DUSP22: variants seen among roughly 807,000 people sequenced by gnomAD.
The protein encoded by DUSP22 is dual specificity protein phosphatase 22.
A neutral mutation model predicts 24.5 loss-of-function variants in DUSP22; 24 were observed. The observed-to-expected ratio is 0.98, with a 90% CI of 0.71 to 1.38. The LOEUF (loss-of-function observed/expected upper bound fraction) is 1.38, where lower values mean the gene tolerates loss of function less well. DUSP22 is among the 40% of genes most tolerant of loss of function. DUSP22 has a pLI of 0.00. For synonymous variants in DUSP22, 160 were observed against 106.4 expected (o/e 1.50, Z -3.10); for missense variants, 330 against 269.2 (o/e 1.23, Z -1.58).
At chr6:345,040 G>T (rs943618494) in intron 4 of DUSP22, among the ~76,000 whole-genome samples, 3 of 152,302 alleles carry the variant, frequency 2.0e-5, no homozygotes, top group Non-Finnish European at 4.4e-5. Flanking sequence ...GTGTTTCAGG[G>T]ATTTCTTACA....
intron 3 of DUSP22, chr6:326,211 TC>T (rs1244916197): frequency 4.3e-6 from 1 of 230,088 alleles, no homozygotes; most frequent in Non-Finnish European, 8.3e-6. Context: ...GCCCTGGGCT[TC>T]TGCGTCCTGG....
intron 3 of DUSP22, among the ~76,000 whole-genome samples, chr6:328,544 C>G (rs1758992867): frequency 1.3e-5 from 2 of 152,298 alleles, no homozygotes; most frequent in Non-Finnish European, 2.9e-5. Context: ...AGTATCAAAC[C>G]AGAGGCTAAA....
In DUSP22 at chr6:350,938, C is replaced by CA; in HGVS notation, c.*1988dup. ...CTGGTGCTGCCAAAAAGAAAAGCAA[C>CA]ATAGAGTTTAAGTATCCAGTAGTGA... On this transcript the variant is annotated 3_prime_UTR_variant, in exon 7 of 7. Coordinates refer to ENST00000419235, the MANE Select transcript of DUSP22 (RefSeq NM_001286555.3). 2.5e-6 allele frequency: 4 copies of CA among 1,594,686 alleles called. No individual in the cohort carries two copies. Among genetic ancestry groups the CA allele is most frequent in the Non-Finnish European group, 3.4e-6 (4 of 1,164,040 alleles).
chr6:341,325 T>C (rs1759597670), intron 4 of DUSP22, among the ~76,000 whole-genome samples: 1 of 152,310 alleles, frequency 6.6e-6, no homozygotes, highest in Admixed American at 6.5e-5. Flanking sequence ...CGAAACAGCT[T>C]GCGGTAGGAT....
intron 1 of DUSP22, among the ~76,000 whole-genome samples, chr6:293,926 A>G (rs1204775136): frequency 6.8e-6 from 1 of 147,074 alleles, no homozygotes; most frequent in African/African-American, 2.5e-5. Flanking sequence ...TCTGCTTTTT[A>G]AATTAAAACA....
intron 4 of DUSP22, among the ~76,000 whole-genome samples, chr6:335,810 T>A (rs1435822813): frequency 2.6e-5 from 4 of 152,302 alleles, no homozygotes; most frequent in Non-Finnish European, 5.9e-5. Context: ...GCGGCTGCCT[T>A]ATGGGGCAGC....
chr6:331,426 A>G (rs1581177933), intron 3 of DUSP22, among the ~76,000 whole-genome samples: 1 of 152,408 alleles, frequency 6.6e-6, no homozygotes, highest in Middle Eastern at 3.4e-3. Flanking sequence ...TAGAATTTTT[A>G]TTGCTTTTTT....
rs1353414320 is a variant in DUSP22, at chr6:296,186, C to CT, written c.21+3635dup. ...GGTAATTACAGGCAAGAAACTAAAA[C>CT]TTTTTTTTTATTGTTTTTGTTTGTG... On this transcript the variant is annotated intron_variant, in intron 1 of 6. Coordinates refer to ENST00000419235, the MANE Select transcript of DUSP22 (RefSeq NM_001286555.3). 2.2e-4 allele frequency among the ~76,000 whole-genome samples: 34 copies of CT among 152,368 alleles called. No homozygotes were observed. The East Asian group carries it at 4.6e-3, about 21-fold the overall frequency.
intron 3 of DUSP22, among the ~76,000 whole-genome samples, chr6:329,091 T>TGTG (rs1197428627): frequency 6.6e-5 from 10 of 152,304 alleles, no homozygotes; most frequent in Admixed American, 3.9e-4. Context: ...TTATGCTTTC[T>TGTG]GTGGAATAAA....
Position 311,919 on chromosome 6 carries a change from C to T in DUSP22, c.95C>T (p.Thr32Ile), listed in dbSNP as rs2127398166. 1 of 1,612,658 alleles carries T rather than the reference C, an allele frequency of 6.2e-7. No individual in the cohort carries two copies. The highest frequency in any genetic ancestry group is 1.1e-5 in the South Asian group (1 of 91,006). The change falls in exon 3 of 7, where the codon ACA becomes ATA. Residue 32 changes from threonine to isoleucine, a missense_variant. Transcript: ENST00000419235. Reference protein sequence around the residue: ...DAEQLSKNKVTHILSVHDSAR... With the variant: ...DAEQLSKNKVIHILSVHDSAR... Reference sequence around the variant, plus strand: ...GAACAATTGAGCAAGAACAAGGTGACACATATTCTGTCTGTCCACGATAGT... The same window carrying T: ...GAACAATTGAGCAAGAACAAGGTGATACATATTCTGTCTGTCCACGATAGT...
intron 4 of DUSP22, among the ~76,000 whole-genome samples, chr6:335,516 C>T (rs1011347415): frequency 1.1e-4 from 17 of 152,290 alleles, no homozygotes; most frequent in Non-Finnish European, 1.8e-4. Flanking sequence ...CAGCGCTGTC[C>T]AATAGAAATA....
rs946665775 is a variant in DUSP22 at position 335,274 on chromosome 6, C to G, written c.188+111C>G. 4 of 1,364,234 alleles carry G rather than the reference C, an allele frequency of 2.9e-6. No homozygotes were observed. The African/African-American group carries it at 5.7e-5, about 19-fold the overall frequency. 84.5% of individuals were successfully genotyped at this position (1,364,234 alleles called of 1,614,324 possible). ...GTTGTCAGAGCTCACGGGACCCTTG[C>G]TGACCCTGCCAGGGAAGAGGCTGTG... On this transcript the variant is annotated intron_variant, in intron 4 of 6. Coordinates refer to ENST00000419235, the MANE Select transcript of DUSP22 (RefSeq NM_001286555.3).
At chr6:346,449 C>CACACAG (rs1759879237) in intron 5 of DUSP22, among the ~76,000 whole-genome samples, 2 of 152,294 alleles carry the variant, frequency 1.3e-5, no homozygotes, top group African/African-American at 4.8e-5. Context: ...CACACACACA[C>CACACAG]ACACACACAG....
rs369166732 is a variant in DUSP22 at position 349,097 on chromosome 6, G to A, written c.*146G>A. On this transcript the variant is annotated 3_prime_UTR_variant, in exon 7 of 7. Transcript: ENST00000419235. ...AGGGCTCCTTCCCCCAAGCAACACC[G>A]CCCAGCCCTGCTCCAGGCCCCTGCA... 52 of 1,458,562 alleles carry A rather than the reference G, an allele frequency of 3.6e-5. No individual in the cohort carries two copies. Among genetic ancestry groups the A allele is most frequent in the Middle Eastern group, 2.5e-4 (1 of 3,982 alleles). The allele number at this position is 1,458,562 out of a possible 1,614,324, so 90.4% of individuals were successfully genotyped here. A position where few individuals can be genotyped will look rare whatever the true frequency, so the allele number is the denominator to read the frequency against.
intron 4 of DUSP22, among the ~76,000 whole-genome samples, chr6:335,837 G>T (rs561260458): frequency 1.3e-5 from 2 of 152,418 alleles, no homozygotes; most frequent in African/African-American, 4.8e-5. Flanking sequence ...GCTAAAGCCT[G>T]GCGGAGTGGA....
rs538345429 is a variant in DUSP22, at chr6:350,086, G to C, written c.*1135G>C. On this transcript the variant is annotated 3_prime_UTR_variant, in exon 7 of 7. Transcript: ENST00000419235. Reference sequence around the variant, plus strand: ...TTCACTTGGGTTTGATAATTGATCTGAGCTACCTCATTGAATGTTTTTGGA... The same window carrying C: ...TTCACTTGGGTTTGATAATTGATCTCAGCTACCTCATTGAATGTTTTTGGA... 4.1e-6 allele frequency: 4 copies of C among 985,862 alleles called. No homozygotes were observed. The East Asian group carries it at 4.5e-4, about 112-fold the overall frequency. 61.1% of individuals were successfully genotyped at this position (985,862 alleles called of 1,614,324 possible). A position where few individuals can be genotyped will look rare whatever the true frequency, so the allele number is the denominator to read the frequency against.
chr6:315,933 C>T (rs1378564661), intron 3 of DUSP22, among the ~76,000 whole-genome samples: 1 of 152,310 alleles, frequency 6.6e-6, no homozygotes, highest in Non-Finnish European at 1.5e-5. Flanking sequence ...AGAGCTGTGG[C>T]TTGGAGCAGG....
intron 3 of DUSP22, among the ~76,000 whole-genome samples, chr6:330,354 G>C (rs1759088267): frequency 6.6e-6 from 1 of 152,300 alleles, no homozygotes; most frequent in African/African-American, 2.4e-5. Flanking sequence ...GCTTTGAGAG[G>C]AGAGAGACAT....
chr6:317,731 G>A (rs764695184), intron 3 of DUSP22, among the ~76,000 whole-genome samples: 51 of 152,402 alleles, frequency 3.3e-4, no homozygotes, highest in Non-Finnish European at 6.8e-4. Context: ...GGCAGCTGCC[G>A]TGCTGGGGTT....
Sources: allele counts gnomAD v4.1 joint callset (sites outside exome capture counted in the v4.1 genomes callset), GRCh38; gene constraint gnomAD v4.1.1; transcripts MANE v1.5; gene names NCBI Gene and HGNC (gene_info 2026-07-23, HGNC 2026-07-21).